SYT14: variants seen among roughly 807,000 people sequenced by gnomAD.
SYT14 encodes synaptotagmin 14.
A neutral mutation model predicts 74.2 loss-of-function variants in SYT14; 32 were observed. The observed-to-expected ratio is 0.43, with a 90% CI of 0.33 to 0.58. The LOEUF (loss-of-function observed/expected upper bound fraction) is 0.58, where lower values mean the gene tolerates loss of function less well. Among genes scored for constraint, SYT14 ranks in the 20% least tolerant of loss-of-function variants. The pLI is 0.05. For missense variants in SYT14, 791 were observed against 981.8 expected, an observed-to-expected ratio of 0.81 and a Z score of 2.60; for synonymous variants, 298 against 337.7, an observed-to-expected ratio of 0.88 and a Z score of 1.29.
At chr1:210,118,482 GT>G (rs575140217) in intron 7 of SYT14, among the ~76,000 whole-genome samples, 104 of 151,778 alleles carry the variant, frequency 6.9e-4, no homozygotes, top group Non-Finnish European at 1.1e-3. Context: ...TTTTTGTTTT[GT>G]TTTTGTTTTT....
At chr1:210,019,320 A>C (rs762602661) in intron 4 of SYT14, among the ~76,000 whole-genome samples, 1 of 152,196 alleles carries the variant, frequency 6.6e-6, no homozygotes, top group African/African-American at 2.4e-5. Context: ...ACAGCTCTGC[A>C]CTGGGAGTCA....
At chr1:210,142,424 G>T (rs762907424) in intron 7 of SYT14, among the ~76,000 whole-genome samples, 1 of 152,126 alleles carries the variant, frequency 6.6e-6, no homozygotes, top group African/African-American at 2.4e-5. Context: ...TGTTCATGTT[G>T]CTTTTATAGA....
chr1:210,142,189 C>T (rs1175282573), intron 7 of SYT14, among the ~76,000 whole-genome samples: 2 of 152,224 alleles, frequency 1.3e-5, no homozygotes, highest in Non-Finnish European at 2.9e-5. Flanking sequence ...TTCCCCCCTC[C>T]AGCATCTATG....
exon 10 of SYT14, chr1:210,162,844 T>G (rs933997196): frequency 2.2e-6 from 1 of 453,158 alleles, no homozygotes; most frequent in Non-Finnish European, 4.4e-6. Context: ...CTATATTGGA[T>G]GACATGAGGT....
At chr1:210,091,399 A>G (rs925494727) in intron 5 of SYT14, among the ~76,000 whole-genome samples, 13 of 152,232 alleles carry the variant, frequency 8.5e-5, no homozygotes, top group African/African-American at 3.1e-4. Context: ...ACTCTGATCA[A>G]GAAAACAGGC....
intron 2 of SYT14, among the ~76,000 whole-genome samples, chr1:209,976,830 G>T (rs2079375096): frequency 6.6e-6 from 1 of 152,086 alleles, no homozygotes; most frequent in Admixed American, 6.6e-5. Flanking sequence ...TTATTATTGT[G>T]TGGGAGTCTA....
intron 7 of SYT14, among the ~76,000 whole-genome samples, chr1:210,148,727 G>A (rs2083095891): frequency 6.6e-6 from 1 of 151,806 alleles, no homozygotes; most frequent in Non-Finnish European, 1.5e-5. Context: ...AAAGAAAGAG[G>A]AAAAAAAGAT....
chr1:210,063,640 A>G (rs2081245164), intron 5 of SYT14, among the ~76,000 whole-genome samples: 1 of 151,798 alleles, frequency 6.6e-6, no homozygotes, highest in South Asian at 2.1e-4. Context: ...CCATTTCAAA[A>G]TATTCTTATG....
chr1:210,105,149 T>C (rs534124211), intron 7 of SYT14, among the ~76,000 whole-genome samples: 1 of 152,238 alleles, frequency 6.6e-6, no homozygotes, highest in Admixed American at 6.5e-5. Flanking sequence ...ACACTGAGGG[T>C]AGGGCCCAGC....
intron 2 of SYT14, among the ~76,000 whole-genome samples, chr1:210,000,678 G>A (rs1197222803): frequency 2.1e-5 from 3 of 140,614 alleles, no homozygotes; most frequent in Non-Finnish European, 1.5e-5. Flanking sequence ...GCAGTGGTGC[G>A]ATCTCGGCTC....
At chr1:210,161,616 C>G in exon 10 of SYT14, 1 of 453,974 alleles carries the variant, frequency 2.2e-6, no homozygotes, top group Non-Finnish European at 4.4e-6. Flanking sequence ...CTCAGTTCCT[C>G]TCAAAAGCAC....
chr1:210,146,228 C>G (rs2102685535), intron 7 of SYT14, among the ~76,000 whole-genome samples: 1 of 152,170 alleles, frequency 6.6e-6, no homozygotes, highest in East Asian at 1.9e-4. Flanking sequence ...GTCCCAGCCA[C>G]TTGGAAGGCT....
chr1:210,038,734 A>T (rs2080722918), intron 5 of SYT14, among the ~76,000 whole-genome samples: 2 of 152,072 alleles, frequency 1.3e-5, no homozygotes, highest in Admixed American at 1.3e-4. Flanking sequence ...AAGTCCGAAA[A>T]TGGGACCCCA....
chr1:210,052,665 C>CAAAAAAAAAAAAAAAAAAAAAAAAAAAA (rs561069342), intron 5 of SYT14, among the ~76,000 whole-genome samples: 4 of 42,264 alleles, frequency 9.5e-5, no homozygotes, highest in Admixed American at 2.8e-4. Context: ...TACATCTCAC[C>CAAAAAAAAAAAAAAAAAAAAAAAAAAAA]AAAAAAAAAA....
At chr1:210,120,514 A>G (rs1356796449) in intron 7 of SYT14, among the ~76,000 whole-genome samples, 6 of 152,014 alleles carry the variant, frequency 3.9e-5, no homozygotes, top group African/African-American at 1.2e-4. Flanking sequence ...GCTTAGATAC[A>G]CAAATACTTA....
At chr1:210,070,633 C>A (rs901491701) in intron 5 of SYT14, among the ~76,000 whole-genome samples, 4 of 152,060 alleles carry the variant, frequency 2.6e-5, no homozygotes, top group African/African-American at 9.7e-5. Context: ...ATGCCTGGCA[C>A]AAAATAGGTC....
At chr1:209,948,582 G>A (rs931398951) in intron 1 of SYT14, among the ~76,000 whole-genome samples, 1 of 152,114 alleles carries the variant, frequency 6.6e-6, no homozygotes, top group Non-Finnish European at 1.5e-5. Flanking sequence ...TTTTTATGCA[G>A]TTCTATTTAA....
At chr1:210,112,842 A>G (rs2082289198) in intron 7 of SYT14, among the ~76,000 whole-genome samples, 1 of 151,386 alleles carries the variant, frequency 6.6e-6, no homozygotes. Flanking sequence ...TAGAGTCAGT[A>G]TAAATATTGA....
intron 2 of SYT14, among the ~76,000 whole-genome samples, chr1:209,984,951 T>C (rs1174668097): frequency 6.6e-6 from 1 of 152,186 alleles, no homozygotes; most frequent in Non-Finnish European, 1.5e-5. Flanking sequence ...ATGAGAATTC[T>C]GCCCTCAGTA....
Sources: allele counts gnomAD v4.1 joint callset (sites outside exome capture counted in the v4.1 genomes callset), GRCh38; gene constraint gnomAD v4.1.1; transcripts MANE v1.5; gene names NCBI Gene and HGNC (gene_info 2026-07-23, HGNC 2026-07-21).